Variants in RIF1 observed in about 807,000 individuals in gnomAD.
RIF1 encodes replication timing regulatory factor 1.
RIF1 carries 45 observed loss-of-function variants against 247.1 expected under a neutral mutation model. The observed-to-expected ratio is 0.18, with a 90% CI of 0.14 to 0.23. The LOEUF (loss-of-function observed/expected upper bound fraction) is 0.23. RIF1 is among the 10% of genes least tolerant of loss of function. The pLI is 1.00. For missense variants in RIF1, 2,967 were observed against 2,862.5 expected (o/e 1.04, Z -0.83); for synonymous variants, 1,087 against 978.8 (o/e 1.11, Z -2.06).
At chr2:151,414,077 C>G (rs1301511928) in intron 3 of RIF1, among the ~76,000 whole-genome samples, 1 of 152,086 alleles carries the variant, frequency 6.6e-6, no homozygotes, top group Non-Finnish European at 1.5e-5. Flanking sequence ...TTTGGGAGGC[C>G]TGAGGCGGGT....
chr2:151,516,813 T>C, the RIF1 span, among the ~76,000 whole-genome samples: 1 of 152,186 alleles, frequency 6.6e-6, no homozygotes, highest in Non-Finnish European at 1.5e-5. Context: ...AAAAGAATCA[T>C]TGACAAGAGC....
At chr2:151,423,721 A>G (rs1369795166) in intron 8 of RIF1, 3 of 152,230 alleles carry the variant, frequency 2.0e-5, no homozygotes, top group African/African-American at 7.2e-5. Flanking sequence ...AGAAAACCAT[A>G]ACTACTATGA....
Position 151,420,205 on chromosome 2 carries a change from C to T in RIF1, c.519C>T (p.Ala173=). The change falls in exon 7 of 36, where the codon GCC becomes GCT. Residue 173 remains alanine, a synonymous_variant. Coordinates refer to ENST00000444746, the MANE Select transcript of RIF1 (RefSeq NM_018151.5). ...LNVIVRLIEQ[A]PIQMGEEAVR... is the part of the protein sequence containing the mutation. ...TCTATTATAGGCTAATTGAACAAGC[C>T]CCAATTCAAATGGGAGAAGAGGCAG... The T allele has an allele frequency of 6.2e-7, 1 of 1,613,100 alleles. No individual in the cohort carries two copies. Among genetic ancestry groups the T allele is most frequent in the Non-Finnish European group, 8.5e-7 (1 of 1,179,380 alleles).
At chr2:151,445,245 A>G (rs1693048841) in intron 18 of RIF1, 93 bp from the exon 19 acceptor site, 2 of 757,118 alleles carry the variant, frequency 2.6e-6, no homozygotes, top group Non-Finnish European at 4.7e-6. Context: ...TGGGGAACAC[A>G]GTTTTGCCCA....
chr2:151,421,834 A>G (rs1688221819), intron 7 of RIF1, among the ~76,000 whole-genome samples: 2 of 151,662 alleles, frequency 1.3e-5, no homozygotes, highest in South Asian at 2.1e-4. Context: ...AGTGACATAT[A>G]TAATTTTTTT....
At chr2:151,469,369 G>C (rs1697443977) in intron 33 of RIF1, among the ~76,000 whole-genome samples, 1 of 152,104 alleles carries the variant, frequency 6.6e-6, no homozygotes, top group African/African-American at 2.4e-5. Flanking sequence ...ACTTCTCTGA[G>C]GAATTTAATG....
chr2:151,502,939 A>G, intron 11 of RIF1: 1 of 1,073,108 alleles, frequency 9.3e-7, no homozygotes, highest in East Asian at 2.4e-5. Flanking sequence ...ACAGAGAGTA[A>G]GGAAGGAAGG....
Position 151,440,118 on chromosome 2 carries a change from A to T in RIF1, c.1638A>T (p.Ser546=), listed in dbSNP as rs755927259. Residue 546 remains serine (S), a synonymous_variant, in exon 15 of 36, where the codon TCA becomes TCT. Transcript: ENST00000444746. ...TAAAGTCTGAAGTATTTCCTGTATC[A>T]AAAACGCTGGTAAGTATAATACCCG... ...SIVKSEVFPV[S]KTLVLMEITI... The T allele has an allele frequency of 1.9e-6, 3 of 1,547,344 alleles. No individual in the cohort carries two copies. The East Asian group carries it at 6.7e-5, about 35-fold the overall frequency.
rs531201942 is a variant in RIF1, at chr2:151,501,526, A to G, written c.*710-1508A>G. ...ACAAACAAATCAACCTGGACCCATCATTTTTTAGGTAGACTTAACCTAAAA... is the reference window on the plus strand; with the variant it reads ...ACAAACAAATCAACCTGGACCCATCGTTTTTTAGGTAGACTTAACCTAAAA... On this transcript the variant is annotated intron_variant and NMD_transcript_variant, in intron 11 of 13. Coordinates refer to the RIF1 transcript ENST00000454583. The G allele has an allele frequency of 1.3e-4, 156 of 1,166,484 alleles. 3 individuals carry two copies. In the South Asian group the frequency reaches 3.1e-3, roughly 23 times the overall value. The allele number at this position is 1,166,484 out of a possible 1,614,324, so 72.3% of individuals were successfully genotyped here. A position where few individuals can be genotyped will look rare whatever the true frequency, so the allele number is the denominator to read the frequency against.
intron 6 of RIF1, among the ~76,000 whole-genome samples, chr2:151,418,577 G>A (rs1687608702): frequency 6.6e-6 from 1 of 152,008 alleles, no homozygotes; most frequent in Admixed American, 6.6e-5. Context: ...CAGGCACAGT[G>A]GTTCAGGCCT....
downstream of RIF1, among the ~76,000 whole-genome samples, chr2:151,484,398 C>G (rs1290541849): frequency 2.0e-5 from 3 of 152,230 alleles, no homozygotes; most frequent in Non-Finnish European, 2.9e-5. Flanking sequence ...GAGTTCAAGA[C>G]CAGTCTGGCC....
intron 9 of RIF1, chr2:151,491,500 A>C: frequency 1.9e-6 from 1 of 520,910 alleles, no homozygotes; most frequent in Non-Finnish European, 3.4e-6. Context: ...AATTTTTTCT[A>C]ACTTGAACTT....
Position 151,410,514 on chromosome 2 carries a change from C to T in RIF1, c.91C>T (p.Leu31=). The T allele has an allele frequency of 1.2e-6, 2 of 1,613,718 alleles. No individual in the cohort carries two copies. Among genetic ancestry groups the T allele is most frequent in the East Asian group, 2.2e-5 (1 of 44,852 alleles). The change falls in exon 2 of 36, where the codon CTG becomes TTG. Residue 31 remains leucine, a synonymous_variant. Transcript: ENST00000444746. ...CCATGGAGGGCAGACTGACGCTTACCTGACTCTGACCAGGTGAGGTCCGCC... is the reference window on the plus strand; with the variant it reads ...CCATGGAGGGCAGACTGACGCTTACTTGACTCTGACCAGGTGAGGTCCGCC... ...ASHGGQTDAY[L]TLTSRMTGEE...
At chr2:151,447,117 G>A (rs1693436076) in intron 20 of RIF1, among the ~76,000 whole-genome samples, 2 of 151,446 alleles carry the variant, frequency 1.3e-5, no homozygotes, top group South Asian at 2.1e-4. Context: ...CTAATTTTTT[G>A]TATTTTTAGT....
intron 15 of RIF1, 138 bp from the exon 16 acceptor site, chr2:151,441,767 C>T: frequency 2.2e-6 from 1 of 456,952 alleles, no homozygotes; most frequent in East Asian, 4.4e-5. Context: ...TGTATTTGAT[C>T]TTTTTTAACT....
At chr2:151,433,316 T>C in intron 10 of RIF1, 88 bp downstream of exon 10, 6 of 1,050,340 alleles carry the variant, frequency 5.7e-6, no homozygotes, top group South Asian at 5.0e-5. Flanking sequence ...GGTGTTATTT[T>C]TGCTATTTAT....
the RIF1 span, among the ~76,000 whole-genome samples, chr2:151,530,415 G>A: frequency 3.3e-5 from 5 of 152,176 alleles, no homozygotes; most frequent in South Asian, 2.1e-4. Context: ...TTCATTAATC[G>A]TTGGGGAAGG....
chr2:151,509,529 G>C (rs185402811), downstream of RIF1, among the ~76,000 whole-genome samples: 1 of 152,280 alleles, frequency 6.6e-6, no homozygotes, highest in East Asian at 1.9e-4. Flanking sequence ...TGAACTCCCT[G>C]GTGTTCCCAG....
intron 6 of RIF1, among the ~76,000 whole-genome samples, chr2:151,417,408 GT>G (rs1335076207): frequency 1.3e-5 from 2 of 152,086 alleles, no homozygotes; most frequent in Non-Finnish European, 2.9e-5. Context: ...CTTCCCCACT[GT>G]TGAATGCTCT....
Sources: allele counts gnomAD v4.1 joint callset (sites outside exome capture counted in the v4.1 genomes callset), GRCh38; gene constraint gnomAD v4.1.1; transcripts MANE v1.5; gene names NCBI Gene and HGNC (gene_info 2026-07-23, HGNC 2026-07-21).